The following DPYD variants were observed in gnomAD, a reference collection of about 807,000 sequenced individuals.
The protein encoded by DPYD is dihydropyrimidine dehydrogenase [NADP(+)].
In DPYD, 109 loss-of-function variants were observed where a neutral mutation model predicts 116.2. That is an observed-to-expected ratio of 0.94 (90% CI 0.80 to 1.10). The LOEUF (loss-of-function observed/expected upper bound fraction) is 1.10. Ranked by LOEUF, DPYD falls within the 50% of genes least tolerant of loss-of-function variation. The pLI is 0.00. For synonymous variants in DPYD, 440 were observed against 432.0 expected, an observed-to-expected ratio of 1.02 and a Z score of -0.23; for missense variants, 1,302 against 1,254.5, an observed-to-expected ratio of 1.04 and a Z score of -0.57.
chr1:97,134,373 G>T (rs1162538780), intron 20 of DPYD, among the ~76,000 whole-genome samples: 3 of 152,038 alleles, frequency 2.0e-5, no homozygotes, highest in Admixed American at 1.3e-4. Context: ...TCGTATGTAT[G>T]AGCATGAGTT....
intron 2 of DPYD, among the ~76,000 whole-genome samples, chr1:97,870,722 T>A (rs973872935): frequency 6.6e-6 from 1 of 151,794 alleles, no homozygotes; most frequent in Non-Finnish European, 1.5e-5. Flanking sequence ...CCAAGTGAGC[T>A]CTATGGAGTG....
rs889910324 is a variant in DPYD at position 97,450,220 on chromosome 1, T to C, written c.1744A>G (p.Ile582Val). The C allele has an allele frequency of 8.7e-6, 14 of 1,613,382 alleles. No homozygotes were observed. Among genetic ancestry groups the C allele is most frequent in the African/African-American group, 6.7e-5 (5 of 74,904 alleles). The change falls in exon 14 of 23, where the codon ATT becomes GTT. Residue 582 changes from isoleucine to valine, a missense_variant. Ile to Val is a conservative substitution (Grantham distance 29). Coordinates refer to ENST00000370192, the MANE Select transcript of DPYD (RefSeq NM_000110.4). ...ATTCTGGGGGAAACATTTGTCACAATGTCCTGATGAAAGAGTAAAGATATT... is the reference window on the plus strand; with the variant it reads ...ATTCTGGGGGAAACATTTGTCACAACGTCCTGATGAAAGAGTAAAGATATT... ...LTKTFSLDKDIVTNVSPRIIR... is the reference protein window; with the variant it reads ...LTKTFSLDKDVVTNVSPRIIR...
chr1:97,251,924 C>T (rs1417407866), intron 18 of DPYD, among the ~76,000 whole-genome samples: 1 of 152,148 alleles, frequency 6.6e-6, no homozygotes. Flanking sequence ...ATCAACTGAT[C>T]ACAAGTATTG....
At chr1:97,621,571 A>C (rs1656635928) in intron 8 of DPYD, among the ~76,000 whole-genome samples, 1 of 152,156 alleles carries the variant, frequency 6.6e-6, no homozygotes. Flanking sequence ...ACATACATGT[A>C]TATGCATAGG....
intron 20 of DPYD, among the ~76,000 whole-genome samples, chr1:97,186,378 C>A (rs1037897563): frequency 6.6e-6 from 1 of 152,110 alleles, no homozygotes; most frequent in African/African-American, 2.4e-5. Flanking sequence ...TTCCTCATCC[C>A]ATATCCTGCT....
intron 16 of DPYD, among the ~76,000 whole-genome samples, chr1:97,329,249 T>G (rs1251240851): frequency 6.6e-6 from 1 of 152,188 alleles, no homozygotes; most frequent in African/African-American, 2.4e-5. Flanking sequence ...ATTTTTGTGG[T>G]GATGTCACTA....
intron 4 of DPYD, among the ~76,000 whole-genome samples, chr1:97,724,269 G>T (rs887854736): frequency 2.7e-5 from 3 of 109,902 alleles, no homozygotes; most frequent in Non-Finnish European, 5.6e-5. Context: ...GTTCTCCAGA[G>T]ACACAGAAAG....
intron 16 of DPYD, among the ~76,000 whole-genome samples, chr1:97,336,800 A>G (rs1388239650): frequency 6.6e-6 from 1 of 152,162 alleles, no homozygotes; most frequent in East Asian, 1.9e-4. Context: ...ATCAGGAGCT[A>G]GGAAAGCTGA....
chr1:97,889,891 T>C (rs1224546808), intron 1 of DPYD, among the ~76,000 whole-genome samples: 3 of 151,964 alleles, frequency 2.0e-5, no homozygotes, highest in Non-Finnish European at 4.4e-5. Flanking sequence ...TATTAAATCA[T>C]ACAAAATAGT....
intron 13 of DPYD, among the ~76,000 whole-genome samples, chr1:97,502,663 T>C (rs2101935260): frequency 6.6e-6 from 1 of 152,118 alleles, no homozygotes; most frequent in African/African-American, 2.4e-5. Context: ...TATACTATTC[T>C]GTGAGAAATG....
intron 2 of DPYD, among the ~76,000 whole-genome samples, chr1:97,849,393 T>A (rs1358223429): frequency 1.3e-5 from 2 of 152,230 alleles, no homozygotes; most frequent in Non-Finnish European, 2.9e-5. Context: ...AGTAGTTAAC[T>A]CTTACTGAGT....
chr1:97,733,108 T>C (rs1203068870), intron 4 of DPYD, among the ~76,000 whole-genome samples: 1 of 152,028 alleles, frequency 6.6e-6, no homozygotes, highest in Non-Finnish European at 1.5e-5. Context: ...GTGGCATTAG[T>C]ATACTAGAGT....
intron 16 of DPYD, among the ~76,000 whole-genome samples, chr1:97,362,605 A>G (rs1670795246): frequency 6.6e-6 from 1 of 152,234 alleles, no homozygotes; most frequent in Admixed American, 6.5e-5. Flanking sequence ...CAAAAGAGCT[A>G]TATAGACCAA....
chr1:97,240,586 T>C (rs1287867617), intron 18 of DPYD, among the ~76,000 whole-genome samples: 1 of 152,052 alleles, frequency 6.6e-6, no homozygotes, highest in African/African-American at 2.4e-5. Context: ...GTGCTCACTG[T>C]GTATGCAAAA....
At chr1:97,310,453 A>C (rs1415695096) in intron 16 of DPYD, among the ~76,000 whole-genome samples, 2 of 151,860 alleles carry the variant, frequency 1.3e-5, no homozygotes, top group African/African-American at 4.8e-5. Flanking sequence ...TTATTCCTGT[A>C]AGACTAGAAG....
intron 18 of DPYD, among the ~76,000 whole-genome samples, chr1:97,282,522 C>T (rs1180758523): frequency 6.6e-6 from 1 of 151,972 alleles, no homozygotes; most frequent in Non-Finnish European, 1.5e-5. Context: ...GTTTATTTGA[C>T]TAGACAGAAG....
At chr1:97,327,952 T>C (rs1668790889) in intron 16 of DPYD, among the ~76,000 whole-genome samples, 1 of 152,146 alleles carries the variant, frequency 6.6e-6, no homozygotes, top group Non-Finnish European at 1.5e-5. Context: ...ATATAACTTC[T>C]TAGAAGAACT....
chr1:97,896,645 T>A (rs1174039722), intron 1 of DPYD, among the ~76,000 whole-genome samples: 1 of 151,824 alleles, frequency 6.6e-6, no homozygotes, highest in African/African-American at 2.4e-5. Flanking sequence ...CATAGTCAAT[T>A]TTAAAACATT....
intron 8 of DPYD, among the ~76,000 whole-genome samples, chr1:97,659,489 T>C (rs1423922856): frequency 1.3e-5 from 2 of 152,182 alleles, no homozygotes; most frequent in Non-Finnish European, 2.9e-5. Flanking sequence ...AGTTACAGTT[T>C]AAAAATATCA....
Sources: gnomAD v4.1 joint callset for allele counts (sites outside exome capture counted in the v4.1 genomes callset) on GRCh38, gnomAD v4.1.1 for gene constraint, MANE v1.5 for transcripts, NCBI Gene and HGNC (gene_info 2026-07-23, HGNC 2026-07-21) for gene names.